Variants in RNF6 observed in about 807,000 individuals in gnomAD.
RNF6 encodes ring finger protein 6.
A neutral mutation model predicts 50.1 loss-of-function variants in RNF6; 21 were observed. The ratio of observed to expected loss-of-function variants is 0.42; its 90% CI spans 0.30 to 0.60. RNF6 has a LOEUF of 0.60. Ranked by LOEUF, RNF6 falls within the 20% of genes least tolerant of loss-of-function variation. RNF6 has a pLI of 0.20. For missense variants in RNF6, 698 were observed against 838.2 expected (o/e 0.83, Z 2.07); for synonymous variants, 255 against 291.8 (o/e 0.87, Z 1.29).
chr13:26,136,722 A>C (rs1870663699), intron 5 of RNF6, among the ~76,000 whole-genome samples: 1 of 152,198 alleles, frequency 6.6e-6, no homozygotes, highest in Admixed American at 6.5e-5. Context: ...ATACCCCCAA[A>C]AAATGACTAA....
In RNF6 at chr13:26,215,615, T is replaced by G. The variant is rs368385230; in HGVS notation, c.290-23A>C. The G allele has an allele frequency of 2.6e-6, 4 of 1,562,926 alleles. No individual in the cohort carries two copies. In the African/African-American group the frequency reaches 5.5e-5, roughly 21 times the overall value. The stretch of plus-strand genomic sequence containing the variant: ...AGTCTAGAAAGCAAAGCAAATCAAC[T>G]TAAGATCAATTCCTAAGACACACCT... On this transcript the variant is annotated intron_variant, in intron 4 of 4. Transcript: ENST00000381588.
chr13:26,187,859 G>A (rs1035184390), intron 5 of RNF6, among the ~76,000 whole-genome samples: 1 of 152,192 alleles, frequency 6.6e-6, no homozygotes, highest in Non-Finnish European at 1.5e-5. Flanking sequence ...AACTAGCTGG[G>A]ACTACAGGCG....
chr13:26,210,235 G>C (rs1008790280), downstream of RNF6, among the ~76,000 whole-genome samples: 1 of 152,196 alleles, frequency 6.6e-6, no homozygotes, highest in Non-Finnish European at 1.5e-5. Context: ...GAGACCCCAA[G>C]TGAGCCACCT....
At chr13:26,166,761 T>C (rs1484566589) in intron 5 of RNF6, among the ~76,000 whole-genome samples, 1 of 151,966 alleles carries the variant, frequency 6.6e-6, no homozygotes, top group Non-Finnish European at 1.5e-5. Context: ...CTCTACCAAA[T>C]ATACAAAAGG....
chr13:26,148,692 A>G, intron 5 of RNF6, among the ~76,000 whole-genome samples: 1 of 99,336 alleles, frequency 1.0e-5, no homozygotes, highest in South Asian at 2.9e-4. Flanking sequence ...TATATGTGTA[A>G]ATATATAAAA....
At position 26,143,648 on chromosome 13, in the gene RNF6, C is replaced by T. The variant is rs111652519; in HGVS notation, n.769-11197G>A. 5.2e-3 allele frequency among the ~76,000 whole-genome samples: 787 copies of T among 152,260 alleles called. 3 individuals carry two copies. Among genetic ancestry groups the T allele is most frequent in the Non-Finnish European group, 8.5e-3 (580 of 68,012 alleles). On this transcript the variant is annotated intron_variant and non_coding_transcript_variant, in intron 5 of 5. Transcript: ENST00000468480. ...GAGAAACAGCACCATATATTGGATGCTGATGCAGAGAATGTACAGCCTCCT... is the reference window on the plus strand; with the variant it reads ...GAGAAACAGCACCATATATTGGATGTTGATGCAGAGAATGTACAGCCTCCT...
At chr13:26,185,622 T>G (rs1873480920) in intron 5 of RNF6, among the ~76,000 whole-genome samples, 1 of 152,114 alleles carries the variant, frequency 6.6e-6, no homozygotes, top group Non-Finnish European at 1.5e-5. Flanking sequence ...GGCAGGCGCC[T>G]GTTATCACAG....
At chr13:26,220,636 T>G (rs1449627194) in intron 2 of RNF6, among the ~76,000 whole-genome samples, 1 of 152,078 alleles carries the variant, frequency 6.6e-6, no homozygotes, top group Non-Finnish European at 1.5e-5. Flanking sequence ...TTGATTAGAG[T>G]TTTCCAGGGT....
chr13:26,188,384 T>G (rs149564120), intron 5 of RNF6, among the ~76,000 whole-genome samples: 56 of 152,330 alleles, frequency 3.7e-4, no homozygotes, highest in African/African-American at 1.3e-3. Flanking sequence ...CAACTGACTC[T>G]TGAGACCAGT....
chr13:26,184,018 A>ATATATTTTT (rs1335766541), intron 5 of RNF6, among the ~76,000 whole-genome samples: 4 of 33,942 alleles, frequency 1.2e-4, no homozygotes, highest in African/African-American at 3.7e-4. Flanking sequence ...ATATATATAT[A>ATATATTTTT]TTTTTTTTTT....
intron 5 of RNF6, among the ~76,000 whole-genome samples, chr13:26,143,272 A>G (rs74415080): frequency 7.9e-5 from 12 of 152,302 alleles, no homozygotes; most frequent in African/African-American, 2.9e-4. Context: ...GATCTCCTGT[A>G]TTCTAGACTC....
intron 2 of RNF6, among the ~76,000 whole-genome samples, chr13:26,220,830 A>G (rs1870407341): frequency 6.6e-6 from 1 of 152,256 alleles, no homozygotes; most frequent in South Asian, 2.1e-4. Context: ...CTCGAAATAC[A>G]CTAGGTATTT....
intron 5 of RNF6, among the ~76,000 whole-genome samples, chr13:26,183,711 T>G (rs912881059): frequency 6.6e-6 from 1 of 152,052 alleles, no homozygotes; most frequent in African/African-American, 2.4e-5. Context: ...AACTGAATTA[T>G]TTATATATAC....
At chr13:26,205,707 T>C (rs555429964) in intron 5 of RNF6, among the ~76,000 whole-genome samples, 19 of 152,220 alleles carry the variant, frequency 1.2e-4, no homozygotes, top group Non-Finnish European at 2.6e-4. Flanking sequence ...AAATCCTTTC[T>C]CTTTGTTAAG....
At chr13:26,166,021 C>T (rs1055222389) in intron 5 of RNF6, among the ~76,000 whole-genome samples, 1 of 152,130 alleles carries the variant, frequency 6.6e-6, no homozygotes, top group Non-Finnish European at 1.5e-5. Context: ...GTGTCCCCAC[C>T]TAAATCTCAT....
At position 26,214,336 on chromosome 13, in the gene RNF6, T is replaced by C; in HGVS notation, c.1546A>G (p.Met516Val). Residue 516 changes from methionine (M) to valine (V), a missense_variant, in exon 5 of 5, where the codon ATG becomes GTG. By Grantham distance (21) the Met-to-Val change is conservative. Coordinates refer to ENST00000381588, the MANE Select transcript of RNF6 (RefSeq NM_005977.4). ...CCTAAGTTACTCAGTTCTGAGTGCA[T>C]GTCTGGTAAATGCTGGCCATTTCTT... ...LQRNGQHLPD[M>V]HSELSNLGTD... 2 of 1,614,170 alleles carry C rather than the reference T, an allele frequency of 1.2e-6. No homozygotes were observed. The highest frequency in any genetic ancestry group is 8.5e-7 in the Non-Finnish European group (1 of 1,180,030).
At chr13:26,173,564 A>G (rs1206775446) in intron 5 of RNF6, among the ~76,000 whole-genome samples, 1 of 152,170 alleles carries the variant, frequency 6.6e-6, no homozygotes, top group African/African-American at 2.4e-5. Context: ...TTTCAGGCCT[A>G]AAAAACAGAT....
chr13:26,212,125 C>G (rs1412012244), downstream of RNF6, among the ~76,000 whole-genome samples: 1 of 152,198 alleles, frequency 6.6e-6, no homozygotes, highest in Admixed American at 6.5e-5. Flanking sequence ...CTTCCCATCT[C>G]TCTCCATTCC....
At chr13:26,157,664 C>T (rs1871998917) in intron 5 of RNF6, among the ~76,000 whole-genome samples, 1 of 152,162 alleles carries the variant, frequency 6.6e-6, no homozygotes, top group Non-Finnish European at 1.5e-5. Context: ...ATATTTTTCA[C>T]TTTGCAGGTT....
Sources: gnomAD v4.1 joint callset for allele counts (sites outside exome capture counted in the v4.1 genomes callset) on GRCh38, gnomAD v4.1.1 for gene constraint, MANE v1.5 for transcripts, NCBI Gene and HGNC (gene_info 2026-07-23, HGNC 2026-07-21) for gene names.